The following OSTF1 variants were observed in gnomAD, a reference collection of about 807,000 sequenced individuals.
OSTF1 encodes osteoclast stimulating factor 1, also known as osteoclast-stimulating factor 1.
In OSTF1, 27 loss-of-function variants were observed where a neutral mutation model predicts 37.2. The observed-to-expected ratio is 0.73, with a 90% confidence interval of 0.54 to 1.00. The LOEUF (loss-of-function observed/expected upper bound fraction) is 1.00. Among genes scored for constraint, OSTF1 ranks in the 50% least tolerant of loss-of-function variants. OSTF1 has a pLI of 0.00. For synonymous variants in OSTF1, 82 were observed against 89.2 expected, an observed-to-expected ratio of 0.92 and a Z score of 0.46; for missense variants, 232 against 253.8, an observed-to-expected ratio of 0.91 and a Z score of 0.58.
chr9:75,127,709 A>AT, intron 3 of OSTF1, 90 bp downstream of exon 3: 2 of 710,464 alleles, frequency 2.8e-6, no homozygotes, highest in Non-Finnish European at 4.8e-6. Context: ...ATATGTACAT[A>AT]GAAATACATA....
At chr9:75,109,023 CTT>C (rs1057097433) in intron 1 of OSTF1, among the ~76,000 whole-genome samples, 56 of 135,236 alleles carry the variant, frequency 4.1e-4, no homozygotes, top group Admixed American at 3.7e-4. Context: ...CAGGTTTATT[CTT>C]TTTTTTTTTT....
chr9:75,098,172 C>T (rs756244114), intron 1 of OSTF1, among the ~76,000 whole-genome samples: 3 of 152,176 alleles, frequency 2.0e-5, no homozygotes, highest in Non-Finnish European at 2.9e-5. Context: ...ATTTCGTGCT[C>T]CTTCTCCTAG....
intron 1 of OSTF1, among the ~76,000 whole-genome samples, chr9:75,096,553 A>G (rs1249893333): frequency 6.6e-6 from 1 of 151,972 alleles, no homozygotes; most frequent in Non-Finnish European, 1.5e-5. Context: ...GCCCTTTACA[A>G]GGGTCTCCCT....
chr9:75,136,659 T>C (rs1825848503), intron 7 of OSTF1, among the ~76,000 whole-genome samples: 2 of 152,204 alleles, frequency 1.3e-5, no homozygotes, highest in African/African-American at 4.8e-5. Context: ...CCCAAAGTGC[T>C]GAGATTACAG....
intron 1 of OSTF1, among the ~76,000 whole-genome samples, chr9:75,114,784 C>G (rs1825452824): frequency 6.6e-6 from 1 of 152,108 alleles, no homozygotes; most frequent in East Asian, 1.9e-4. Context: ...GAACTCCTGG[C>G]CTCAAGCAGT....
At chr9:75,140,761 T>C in intron 8 of OSTF1, 73 bp from the exon 9 acceptor site, 4 of 1,000,610 alleles carry the variant, frequency 4.0e-6, no homozygotes, top group Non-Finnish European at 6.1e-6. Flanking sequence ...AGTTGTTAGC[T>C]GTGGGGAGAG....
intron 9 of OSTF1, among the ~76,000 whole-genome samples, chr9:75,141,259 C>T (rs1419847511): frequency 6.9e-6 from 1 of 144,918 alleles, no homozygotes; most frequent in Non-Finnish European, 1.5e-5. Flanking sequence ...TGTGATCGCA[C>T]CACTGCATTC....
At chr9:75,141,312 CAAAAAAAAAAAAAA>C (rs529293090) in intron 9 of OSTF1, among the ~76,000 whole-genome samples, 3 of 71,678 alleles carry the variant, frequency 4.2e-5, no homozygotes, top group African/African-American at 1.7e-4. Context: ...AAAAGAAAAC[CAAAAAAAAAAAAAA>C]AAAAAAAAAA....
intron 1 of OSTF1, 113 bp downstream of exon 1, chr9:75,088,839 C>G: frequency 9.8e-7 from 1 of 1,021,280 alleles, no homozygotes; most frequent in Non-Finnish European, 1.5e-6. Flanking sequence ...AGCCTGGCTT[C>G]CGAGATCGGC....
chr9:75,140,515 G>A (rs1363090296), intron 8 of OSTF1, among the ~76,000 whole-genome samples: 1 of 152,150 alleles, frequency 6.6e-6, no homozygotes, highest in African/African-American at 2.4e-5. Context: ...ACCCTCTTGA[G>A]CAAAAGAGGA....
At chr9:75,124,015 C>T (rs1322387819) in intron 2 of OSTF1, among the ~76,000 whole-genome samples, 4 of 152,150 alleles carry the variant, frequency 2.6e-5, no homozygotes, top group Non-Finnish European at 5.9e-5. Context: ...TGCACTTTCC[C>T]AAACCACAGA....
intron 1 of OSTF1, among the ~76,000 whole-genome samples, chr9:75,099,649 G>A (rs1327375660): frequency 6.6e-6 from 1 of 152,104 alleles, no homozygotes; most frequent in African/African-American, 2.4e-5. Flanking sequence ...CCAACATAGT[G>A]AAACCCCGCC....
At chr9:75,108,577 AGG>A (rs1207045929) in intron 1 of OSTF1, among the ~76,000 whole-genome samples, 1 of 152,198 alleles carries the variant, frequency 6.6e-6, no homozygotes, top group Non-Finnish European at 1.5e-5. Context: ...TAAAAATTAC[AGG>A]CATAGATTGA....
intron 1 of OSTF1, among the ~76,000 whole-genome samples, chr9:75,097,429 T>G (rs1406468342): frequency 1.3e-5 from 2 of 152,286 alleles, no homozygotes; most frequent in Admixed American, 6.5e-5. Flanking sequence ...AATAAAACTC[T>G]AAGCTCCCCA....
At chr9:75,145,334 T>C (rs1363216005) in intron 9 of OSTF1, among the ~76,000 whole-genome samples, 1 of 152,178 alleles carries the variant, frequency 6.6e-6, no homozygotes, top group Non-Finnish European at 1.5e-5. Flanking sequence ...TACCTACCTA[T>C]CTACCTACCT....
At chr9:75,097,593 C>A (rs1341739814) in intron 1 of OSTF1, among the ~76,000 whole-genome samples, 1 of 152,086 alleles carries the variant, frequency 6.6e-6, no homozygotes, top group Admixed American at 6.6e-5. Flanking sequence ...TTTTGAGGAT[C>A]TCATTGGAAT....
In OSTF1 at chr9:75,132,211, G is replaced by A. The variant is rs116987347; in HGVS notation, c.250+388G>A. 8.1e-3 allele frequency among the ~76,000 whole-genome samples: 1,231 copies of A among 152,316 alleles called. 7 individuals carry two copies. The highest frequency in any genetic ancestry group is 0.015 in the Admixed American group (234 of 15,296). On this transcript the variant is annotated intron_variant, in intron 5 of 9. Transcript: ENST00000346234. The stretch of plus-strand genomic sequence containing the variant: ...TGTTTGACAGGCCGTAGAGGCCCAG[G>A]TGAGTAACTGGAGGGCAAGAGAATG...
intron 1 of OSTF1, among the ~76,000 whole-genome samples, chr9:75,097,256 G>T (rs143173778): frequency 5.1e-4 from 78 of 152,274 alleles, no homozygotes; most frequent in African/African-American, 1.7e-3. Context: ...GGGCCTATCC[G>T]AAGCTGAAAT....
intron 2 of OSTF1, among the ~76,000 whole-genome samples, chr9:75,127,058 C>T (rs984476021): frequency 6.6e-6 from 1 of 152,148 alleles, no homozygotes; most frequent in African/African-American, 2.4e-5. Context: ...TAACTTTTCT[C>T]ATACAGAAAA....
Sources: allele counts gnomAD v4.1 joint callset (sites outside exome capture counted in the v4.1 genomes callset), GRCh38; gene constraint gnomAD v4.1.1; transcripts MANE v1.5; gene names NCBI Gene and HGNC (gene_info 2026-07-23, HGNC 2026-07-21).